Variants in METTL16 observed in about 807,000 individuals in gnomAD.
The protein encoded by METTL16 is methyltransferase 16, RNA N6-adenosine.
A neutral mutation model predicts 57.9 loss-of-function variants in METTL16; 19 were observed. That is an observed-to-expected ratio of 0.33 (90% CI 0.23 to 0.48). METTL16 has a LOEUF of 0.48. METTL16 is among the 20% of genes least tolerant of loss of function. The probability of loss-of-function intolerance (pLI) is 0.99; values close to 1 mark genes in which losing one functional copy is unlikely to be tolerated. For synonymous variants in METTL16, 246 were observed against 255.6 expected, an observed-to-expected ratio of 0.96 and a Z score of 0.36; for missense variants, 434 against 691.5, an observed-to-expected ratio of 0.63 and a Z score of 4.18.
rs1240174970 is a variant in METTL16 at position 2,417,189 on chromosome 17, G to A, written c.*2781C>T. On this transcript the variant is annotated 3_prime_UTR_variant, in exon 10 of 10. Coordinates refer to ENST00000263092, the MANE Select transcript of METTL16 (RefSeq NM_024086.4). ...AGCGAGTCTCCTGCCTCAGCCTCCC[G>A]AGTAGCTGGGATTACAGGCACGTGC... The A allele has an allele frequency of 1.3e-5, 2 of 148,572 alleles. No individual in the cohort carries two copies. Among genetic ancestry groups the A allele is most frequent in the South Asian group, 2.1e-4 (1 of 4,764 alleles). 9.2% of individuals were successfully genotyped at this position (148,572 alleles called of 1,614,324 possible).
chr17:2,487,020 A>AG, intron 2 of METTL16, among the ~76,000 whole-genome samples: 1 of 151,214 alleles, frequency 6.6e-6, no homozygotes, highest in East Asian at 1.9e-4. Flanking sequence ...AAAAAAAAAA[A>AG]AAAAAAGGCT....
chr17:2,474,501 CCA>C (rs927736575), intron 3 of METTL16, among the ~76,000 whole-genome samples: 13 of 152,022 alleles, frequency 8.6e-5, no homozygotes, highest in African/African-American at 3.1e-4. Context: ...GCTAGCCCCA[CCA>C]CAGTTTCAAG....
At chr17:2,439,591 A>G (rs1056248515) in intron 7 of METTL16, among the ~76,000 whole-genome samples, 3 of 152,140 alleles carry the variant, frequency 2.0e-5, no homozygotes, top group Non-Finnish European at 4.4e-5. Context: ...TTCTGGATCT[A>G]TAAAGGAGTG....
At chr17:2,438,030 A>G (rs2066921177) in intron 8 of METTL16, 79 bp downstream of exon 8, 1 of 1,026,482 alleles carries the variant, frequency 9.7e-7, no homozygotes, top group African/African-American at 1.6e-5. Flanking sequence ...ACAGGACACT[A>G]CCAATTCAGT....
chr17:2,448,837 G>A (rs1377479327), intron 6 of METTL16, among the ~76,000 whole-genome samples: 3 of 121,994 alleles, frequency 2.5e-5, no homozygotes, highest in Non-Finnish European at 5.4e-5. Flanking sequence ...GAGCATCCTG[G>A]CCAACATGGT....
At chr17:2,491,340 A>G (rs1317550464) in intron 2 of METTL16, among the ~76,000 whole-genome samples, 3 of 152,222 alleles carry the variant, frequency 2.0e-5, no homozygotes, top group African/African-American at 7.2e-5. Context: ...TCTACCACTG[A>G]TGAATACAGT....
At chr17:2,424,163 G>T (rs1423871487) in intron 8 of METTL16, 5 of 150,180 alleles carry the variant, frequency 3.3e-5, no homozygotes, top group Admixed American at 6.6e-5. Flanking sequence ...GCCCAGGCTG[G>T]AGTGCAGTGG....
chr17:2,424,155 C>T lies in METTL16; in HGVS notation c.889-3251G>A, dbSNP rs1031870801. On this transcript the variant is annotated intron_variant, in intron 8 of 9. Transcript: ENST00000263092. ...TTGAGACGGAGTCTCGCTCTGTCGC[C>T]CAGGCTGGAGTGCAGTGGCGGGATC... 96 of 150,312 alleles carry T rather than the reference C, an allele frequency of 6.4e-4. 2 individuals are homozygous for T. Among genetic ancestry groups the T allele is most frequent in the African/African-American group, 2.3e-3 (92 of 40,804 alleles). 9.3% of individuals were successfully genotyped at this position (150,312 alleles called of 1,614,324 possible). A position where few individuals can be genotyped will look rare whatever the true frequency, so the allele number is the denominator to read the frequency against.
intron 2 of METTL16, among the ~76,000 whole-genome samples, chr17:2,498,148 C>G (rs1352144785): frequency 2.2e-5 from 3 of 134,076 alleles, no homozygotes; most frequent in East Asian, 4.6e-4. Flanking sequence ...GAGCCGAGAT[C>G]GCGCCACTGC....
At chr17:2,424,961 AAGAC>A (rs1197670731) in intron 8 of METTL16, among the ~76,000 whole-genome samples, 1 of 152,142 alleles carries the variant, frequency 6.6e-6, no homozygotes, top group Non-Finnish European at 1.5e-5. Flanking sequence ...AAAAAAAAAA[AAGAC>A]AGATAATTCA....
chr17:2,502,550 T>C (rs2067496957), intron 1 of METTL16, among the ~76,000 whole-genome samples: 2 of 151,980 alleles, frequency 1.3e-5, no homozygotes, highest in South Asian at 2.1e-4. Context: ...TAGCCGAGCA[T>C]GGTGGCGGGA....
At chr17:2,453,497 G>A (rs2067085896) in intron 6 of METTL16, among the ~76,000 whole-genome samples, 1 of 152,178 alleles carries the variant, frequency 6.6e-6, no homozygotes, top group South Asian at 2.1e-4. Flanking sequence ...GAAGAGCACG[G>A]AGGCGCTGCT....
At chr17:2,443,843 A>T (rs1170993134) in intron 6 of METTL16, among the ~76,000 whole-genome samples, 1 of 152,172 alleles carries the variant, frequency 6.6e-6, no homozygotes, top group African/African-American at 2.4e-5. Flanking sequence ...GGTATCCTTC[A>T]TGAACATAAG....
chr17:2,507,613 C>T (rs1305105348), intron 1 of METTL16, among the ~76,000 whole-genome samples: 2 of 152,202 alleles, frequency 1.3e-5, no homozygotes, highest in Non-Finnish European at 2.9e-5. Flanking sequence ...GCCACCACCC[C>T]GTCTGGGTGG....
intron 2 of METTL16, among the ~76,000 whole-genome samples, chr17:2,496,300 TCAAA>T (rs773933328): frequency 3.6e-4 from 54 of 151,700 alleles, no homozygotes; most frequent in Non-Finnish European, 6.0e-4. Context: ...CCAAATTACG[TCAAA>T]CAGTGTTTTT....
chr17:2,419,854 C>T lies in METTL16; in HGVS notation c.*116G>A, dbSNP rs527332041. 3.7e-4 allele frequency: 481 copies of T among 1,314,202 alleles called. 1 individual carries two copies. In the African/African-American group the frequency reaches 5.7e-3, roughly 16 times the overall value. The allele number at this position is 1,314,202 out of a possible 1,614,324, so 81.4% of individuals were successfully genotyped here. On this transcript the variant is annotated 3_prime_UTR_variant, in exon 10 of 10. Coordinates refer to ENST00000263092, the MANE Select transcript of METTL16 (RefSeq NM_024086.4). The stretch of plus-strand genomic sequence containing the variant: ...GGACAGATTCATAGGTTTTTGTTTT[C>T]GAAGATAATTCCACATCGTGCTACT...
chr17:2,501,348 G>A (rs901238562), intron 2 of METTL16, among the ~76,000 whole-genome samples: 2 of 152,152 alleles, frequency 1.3e-5, no homozygotes, highest in Admixed American at 6.6e-5. Flanking sequence ...AAGACAGCTT[G>A]AGCCCAGGAG....
chr17:2,494,238 T>G (rs1460653498), intron 2 of METTL16, among the ~76,000 whole-genome samples: 1 of 152,078 alleles, frequency 6.6e-6, no homozygotes, highest in Non-Finnish European at 1.5e-5. Flanking sequence ...GCCAGGCTGG[T>G]CTCAAACTCC....
chr17:2,473,687 C>T (rs777137034), intron 3 of METTL16, 23 bp from the exon 4 acceptor site: 2 of 1,604,640 alleles, frequency 1.2e-6, no homozygotes, highest in Admixed American at 3.4e-5. Context: ...AAATACAAAA[C>T]ACATTCTACA....
Sources: allele counts gnomAD v4.1 joint callset (sites outside exome capture counted in the v4.1 genomes callset), GRCh38; gene constraint gnomAD v4.1.1; transcripts MANE v1.5; gene names NCBI Gene and HGNC (gene_info 2026-07-23, HGNC 2026-07-21).